The following NWD2 variants were observed in gnomAD, a reference collection of about 807,000 sequenced individuals.
NWD2 encodes NACHT and WD repeat domain containing 2, also known as NACHT and WD repeat domain-containing protein 2.
NWD2 carries 37 observed loss-of-function variants against 132.7 expected under a neutral mutation model. The ratio of observed to expected loss-of-function variants is 0.28; its 90% confidence interval spans 0.21 to 0.37. NWD2 has a LOEUF of 0.37. Among genes scored for constraint, NWD2 ranks in the 10% least tolerant of loss-of-function variants. NWD2 has a pLI of 1.00. For synonymous variants in NWD2, 705 were observed against 803.0 expected, an observed-to-expected ratio of 0.88 and a Z score of 2.06; for missense variants, 1,592 against 2,122.4, an observed-to-expected ratio of 0.75 and a Z score of 4.91.
chr4:37,282,492 TA>T (rs1218933695), intron 1 of NWD2, among the ~76,000 whole-genome samples: 1 of 152,194 alleles, frequency 6.6e-6, no homozygotes, highest in Non-Finnish European at 1.5e-5. Flanking sequence ...GTCTCCCTGT[TA>T]AATAAACAGT....
At position 37,447,016 on chromosome 4, in the gene NWD2, G is replaced by A. The variant is rs750165104; in HGVS notation, c.5028G>A (p.Lys1676=). Residue 1676 remains lysine, a synonymous_variant, in exon 7 of 7, where the codon AAG becomes AAA. Transcript: ENST00000309447. ...FNNATHTSRP[K]CNSYCFKISV... ...ATGCAACACACACCTCCAGGCCAAA[G>A]TGTAACAGTTATTGTTTTAAAATAT... The A allele has an allele frequency of 2.6e-6, 4 of 1,551,732 alleles. No homozygotes were observed. In the South Asian group the frequency reaches 4.8e-5, roughly 18 times the overall value.
At chr4:37,254,456 T>C (rs1717469566) in intron 1 of NWD2, among the ~76,000 whole-genome samples, 2 of 152,184 alleles carry the variant, frequency 1.3e-5, no homozygotes, top group Admixed American at 1.3e-4. Context: ...AGCTTAAAGT[T>C]CCACTCAATT....
At chr4:37,411,506 A>G (rs1345221272) in intron 3 of NWD2, among the ~76,000 whole-genome samples, 1 of 152,202 alleles carries the variant, frequency 6.6e-6, no homozygotes, top group Non-Finnish European at 1.5e-5. Flanking sequence ...CCTACCAACC[A>G]AAAAAAGTCC....
chr4:37,397,936 A>G (rs1384449060), intron 3 of NWD2, among the ~76,000 whole-genome samples: 1 of 152,144 alleles, frequency 6.6e-6, no homozygotes, highest in Non-Finnish European at 1.5e-5. Context: ...GTGGAAGCCT[A>G]TCTTCCAAAT....
intron 1 of NWD2, among the ~76,000 whole-genome samples, chr4:37,294,188 A>G (rs1464589909): frequency 6.6e-6 from 1 of 152,188 alleles, no homozygotes; most frequent in East Asian, 1.9e-4. Context: ...ACAGCCTCTA[A>G]TGTTCCCAGG....
intron 1 of NWD2, among the ~76,000 whole-genome samples, chr4:37,257,787 A>G (rs1406171564): frequency 6.6e-6 from 1 of 152,202 alleles, no homozygotes; most frequent in Non-Finnish European, 1.5e-5. Context: ...AGCCCAAACT[A>G]TAAAATATTA....
intron 3 of NWD2, 112 bp from the exon 4 acceptor site, chr4:37,430,460 C>T: frequency 1.3e-6 from 1 of 751,436 alleles, no homozygotes; most frequent in Non-Finnish European, 2.2e-6. Flanking sequence ...ACTGATGGAG[C>T]AATGTATCTT....
Position 37,445,911 on chromosome 4 carries a change from C to T in NWD2, c.3923C>T (p.Ala1308Val), listed in dbSNP as rs1235302985. ...LSIWDIDIIT[A>V]MSNIDKTGKP... ...ATTTGGGACATAGATATAATCACAGCTATGTCCAACATAGATAAGACTGGA... is the reference window on the plus strand; with the variant it reads ...ATTTGGGACATAGATATAATCACAGTTATGTCCAACATAGATAAGACTGGA... Residue 1308 changes from alanine to valine, a missense_variant, in exon 7 of 7, where the codon GCT (alanine) becomes GTT (valine). Ala to Val is a moderately conservative substitution (Grantham distance 64). Transcript: ENST00000309447. This position sits in a 1 kb window ranked among gnomAD's most constrained non-coding sequence, Gnocchi z 4.7. 1.3e-6 allele frequency: 2 copies of T among 1,551,818 alleles called. No homozygotes were observed. The highest frequency in any genetic ancestry group is 1.7e-6 in the Non-Finnish European group (2 of 1,147,006).
chr4:37,339,306 A>G (rs1287892454), intron 2 of NWD2, among the ~76,000 whole-genome samples: 2 of 152,220 alleles, frequency 1.3e-5, no homozygotes, highest in African/African-American at 4.8e-5. Flanking sequence ...TGTAAATATC[A>G]GCTCACCATT....
intron 3 of NWD2, among the ~76,000 whole-genome samples, chr4:37,427,241 G>A (rs180907357): frequency 2.6e-4 from 40 of 152,166 alleles, no homozygotes; most frequent in Non-Finnish European, 3.8e-4. Context: ...GGGTCTGTTC[G>A]ATGGCACATC....
At chr4:37,316,606 A>G (rs192309592) in intron 1 of NWD2, among the ~76,000 whole-genome samples, 55 of 152,076 alleles carry the variant, frequency 3.6e-4, no homozygotes, top group African/African-American at 1.3e-3. Context: ...CACTTTACAT[A>G]GATATTAGTT....
At chr4:37,261,850 G>C (rs1232995477) in intron 1 of NWD2, among the ~76,000 whole-genome samples, 1 of 152,202 alleles carries the variant, frequency 6.6e-6, no homozygotes, top group Non-Finnish European at 1.5e-5. Context: ...AGGTCTGTCT[G>C]ATGAGATATT....
intron 1 of NWD2, among the ~76,000 whole-genome samples, chr4:37,270,770 G>T (rs1327109148): frequency 1.3e-5 from 2 of 151,618 alleles, no homozygotes; most frequent in Non-Finnish European, 2.9e-5. Flanking sequence ...TAATTTTGGT[G>T]ACAAATTTAT....
intron 4 of NWD2, among the ~76,000 whole-genome samples, chr4:37,431,999 C>CTTTG (rs4013182): frequency 0.98 from 148,606 of 152,068 alleles, 72,687 homozygotes; most frequent in East Asian, 1. Flanking sequence ...ATGAAGCTCC[C>CTTTG]TTTGCTTCTC....
chr4:37,333,045 G>A (rs1250204839), intron 2 of NWD2, among the ~76,000 whole-genome samples: 2 of 152,174 alleles, frequency 1.3e-5, no homozygotes, highest in Non-Finnish European at 2.9e-5. Context: ...ACTTTGTCAT[G>A]TGGCTTAGGG....
Position 37,445,500 on chromosome 4 carries a change from C to T in NWD2, c.3512C>T (p.Thr1171Ile), listed in dbSNP as rs1400151809. The T allele has an allele frequency of 6.4e-7, 1 of 1,551,834 alleles. No individual in the cohort carries two copies. The highest frequency in any genetic ancestry group is 8.7e-7 in the Non-Finnish European group (1 of 1,147,042). ...GAAGGAAGTCTTTCTGTTTGGAATA[C>T]TGAGGACATTTCCAGCCCCCAGCTG... The part of the protein sequence containing the change: ...DSEGSLSVWN[T>I]EDISSPQLTD... Residue 1171 changes from threonine (T) to isoleucine (I), a missense_variant, in exon 7 of 7, where the codon ACT becomes ATT. Coordinates refer to ENST00000309447, the MANE Select transcript of NWD2 (RefSeq NM_001144990.2). This position sits in a 1 kb window ranked among gnomAD's most constrained non-coding sequence, Gnocchi z 4.7.
intron 1 of NWD2, among the ~76,000 whole-genome samples, chr4:37,269,815 A>T (rs909608987): frequency 1.3e-5 from 2 of 151,794 alleles, no homozygotes; most frequent in African/African-American, 4.8e-5. Context: ...TTAAGCTGTT[A>T]TGAACATTTT....
intron 2 of NWD2, among the ~76,000 whole-genome samples, chr4:37,333,186 A>G (rs1001518625): frequency 2.0e-5 from 3 of 152,178 alleles, no homozygotes; most frequent in Non-Finnish European, 4.4e-5. Flanking sequence ...AGGGAAGGAC[A>G]CAAACCTGGC....
intron 3 of NWD2, among the ~76,000 whole-genome samples, chr4:37,393,762 T>C (rs1363505505): frequency 1.3e-5 from 2 of 152,188 alleles, no homozygotes; most frequent in African/African-American, 4.8e-5. Flanking sequence ...TTCTGCAGAT[T>C]TCCTGTTAAC....
Sources: allele counts gnomAD v4.1 joint callset (sites outside exome capture counted in the v4.1 genomes callset), GRCh38; gene constraint gnomAD v4.1.1; non-coding constraint Gnocchi (gnomAD v3.1); transcripts MANE v1.5; gene names NCBI Gene and HGNC (gene_info 2026-07-23, HGNC 2026-07-21).